Variants in IGSF21 observed in about 807,000 individuals in gnomAD.
The protein encoded by IGSF21 is immunoglobin superfamily member 21.
Under a neutral mutation model 46.8 loss-of-function variants are expected in IGSF21, and 28 were observed. The ratio of observed to expected loss-of-function variants is 0.60; its 90% CI spans 0.44 to 0.82. The LOEUF is 0.82. Among genes scored for constraint, IGSF21 ranks in the 40% least tolerant of loss-of-function variants. The probability of loss-of-function intolerance (pLI) is 0.00; values close to 1 mark genes in which losing one functional copy is unlikely to be tolerated. For synonymous variants in IGSF21, 284 were observed against 273.6 expected (o/e 1.04, Z -0.38); for missense variants, 624 against 665.5 (o/e 0.94, Z 0.69).
chr1:18,160,004 G>T (rs560773513), intron 1 of IGSF21, among the ~76,000 whole-genome samples: 37 of 152,252 alleles, frequency 2.4e-4, no homozygotes, highest in Admixed American at 1.6e-3. Flanking sequence ...TATTAGCAAC[G>T]TGAGAACAGA....
intron 1 of IGSF21, among the ~76,000 whole-genome samples, chr1:18,180,999 C>G (rs762941394): frequency 7.9e-5 from 12 of 152,166 alleles, no homozygotes; most frequent in Non-Finnish European, 1.8e-4. Context: ...TCAGTCTCCC[C>G]CTCTGTAAAG....
At chr1:18,377,026 ACC>A in intron 8 of IGSF21, 34 bp downstream of exon 8, 5 of 1,562,932 alleles carry the variant, frequency 3.2e-6, no homozygotes, top group Non-Finnish European at 4.4e-6. Flanking sequence ...TGGGAGAACA[ACC>A]ACAGGGGCGG....
chr1:18,271,834 A>T (rs1262397511), intron 2 of IGSF21, among the ~76,000 whole-genome samples: 1 of 152,136 alleles, frequency 6.6e-6, no homozygotes, highest in East Asian at 1.9e-4. Context: ...CCCCAAGACC[A>T]TGGGTGAGTA....
At chr1:18,340,786 T>C (rs1436625966) in intron 4 of IGSF21, among the ~76,000 whole-genome samples, 6 of 152,098 alleles carry the variant, frequency 3.9e-5, no homozygotes, top group East Asian at 1.9e-4. Flanking sequence ...CCCTGGCTTA[T>C]AGATGCATCA....
intron 1 of IGSF21, among the ~76,000 whole-genome samples, chr1:18,164,773 T>G (rs1011408043): frequency 2.6e-5 from 4 of 152,024 alleles, no homozygotes; most frequent in Non-Finnish European, 5.9e-5. Flanking sequence ...CTAGGGTACA[T>G]GTGCACAATG....
chr1:18,319,803 C>T (rs1326668919), intron 3 of IGSF21, among the ~76,000 whole-genome samples: 2 of 152,208 alleles, frequency 1.3e-5, no homozygotes, highest in African/African-American at 4.8e-5. Flanking sequence ...GCCCCCTCCA[C>T]TCCCAGCACT....
intron 1 of IGSF21, among the ~76,000 whole-genome samples, chr1:18,143,895 C>G (rs2086441047): frequency 6.6e-6 from 1 of 152,124 alleles, no homozygotes; most frequent in Non-Finnish European, 1.5e-5. Flanking sequence ...GGAGCTGTGA[C>G]TCCCCGATCA....
chr1:18,164,245 G>T (rs542734963), intron 1 of IGSF21, among the ~76,000 whole-genome samples: 2 of 152,222 alleles, frequency 1.3e-5, no homozygotes, highest in East Asian at 3.9e-4. Context: ...GCCTGGGTTT[G>T]ACTGACTCCA....
intron 4 of IGSF21, among the ~76,000 whole-genome samples, chr1:18,336,589 A>G (rs2085768573): frequency 1.3e-5 from 2 of 152,198 alleles, no homozygotes; most frequent in South Asian, 2.1e-4. Context: ...GGCAGTGAAG[A>G]CACTGCGCTA....
intron 1 of IGSF21, among the ~76,000 whole-genome samples, chr1:18,208,504 C>T (rs796220035): frequency 2.0e-5 from 3 of 147,912 alleles, no homozygotes; most frequent in African/African-American, 4.9e-5. Context: ...GCCTCAGCCT[C>T]CCGAGCAGCT....
rs148803242 is a variant in IGSF21 at position 18,235,348 on chromosome 1, C to T, written c.183+7338C>T. 3.1e-3 allele frequency among the ~76,000 whole-genome samples: 470 copies of T among 152,308 alleles called. 3 individuals are homozygous for T. The highest frequency in any genetic ancestry group is 0.011 in the African/African-American group (443 of 41,568). ...TCAAGGAAGAAGACAAGATCCTGTGCTCACACAGTTTACCATGGGGGAGGA... is the reference window on the plus strand; with the variant it reads ...TCAAGGAAGAAGACAAGATCCTGTGTTCACACAGTTTACCATGGGGGAGGA... On this transcript the variant is annotated intron_variant, in intron 2 of 9. Transcript: ENST00000251296.
chr1:18,234,264 G>C (rs1488225850), intron 2 of IGSF21, among the ~76,000 whole-genome samples: 1 of 152,162 alleles, frequency 6.6e-6, no homozygotes, highest in African/African-American at 2.4e-5. Context: ...CCTTGTCTAG[G>C]CCTCCTTCCC....
At chr1:18,273,037 ATC>A (rs1259405735) in intron 2 of IGSF21, among the ~76,000 whole-genome samples, 3 of 90,202 alleles carry the variant, frequency 3.3e-5, no homozygotes, top group Non-Finnish European at 6.8e-5. Context: ...AGCCAGACGG[ATC>A]TTTTTTTTTT....
chr1:18,286,370 G>A (rs1172398228), intron 2 of IGSF21, among the ~76,000 whole-genome samples: 2 of 152,180 alleles, frequency 1.3e-5, no homozygotes, highest in Non-Finnish European at 2.9e-5. Flanking sequence ...CTGGGATACA[G>A]GGCTCTTGGA....
At chr1:18,252,761 G>A (rs2084854853) in intron 2 of IGSF21, among the ~76,000 whole-genome samples, 1 of 152,246 alleles carries the variant, frequency 6.6e-6, no homozygotes, top group African/African-American at 2.4e-5. Context: ...ATATACGGGG[G>A]CCGGGGGTAC....
At chr1:18,338,113 C>A (rs1213719149) in intron 4 of IGSF21, among the ~76,000 whole-genome samples, 1 of 152,096 alleles carries the variant, frequency 6.6e-6, no homozygotes, top group Non-Finnish European at 1.5e-5. Flanking sequence ...TGGGACTTGG[C>A]CGAGGTTGGA....
intron 4 of IGSF21, among the ~76,000 whole-genome samples, chr1:18,352,397 A>T (rs115593437): frequency 0.018 from 2,768 of 152,250 alleles, 92 homozygotes; most frequent in African/African-American, 0.063. Context: ...CAGGGTGGGG[A>T]CTGCCGGACC....
At chr1:18,224,754 A>C (rs1289277279) in intron 1 of IGSF21, among the ~76,000 whole-genome samples, 1 of 152,140 alleles carries the variant, frequency 6.6e-6, no homozygotes, top group Non-Finnish European at 1.5e-5. Flanking sequence ...ATCTCTTAAA[A>C]TTCATGGATG....
At position 18,242,997 on chromosome 1, in the gene IGSF21, GCCCATCTGACT is replaced by G. The variant is rs1361483973; in HGVS notation, c.183+14994_183+15004del. ...GAGCAGGTGCAAAGGCCTGGGGGTG[GCCCATCTGACT>G]CCCATCAGGCGCTCAGTGAAGGGTC... On this transcript the variant is annotated intron_variant, in intron 2 of 9. Coordinates refer to ENST00000251296, the MANE Select transcript of IGSF21 (RefSeq NM_032880.5). 2.0e-5 allele frequency among the ~76,000 whole-genome samples: 3 copies of G among 152,154 alleles called. No homozygotes were observed. In the East Asian group the frequency reaches 5.8e-4, roughly 29 times the overall value.
Sources: allele counts gnomAD v4.1 joint callset (sites outside exome capture counted in the v4.1 genomes callset), GRCh38; gene constraint gnomAD v4.1.1; transcripts MANE v1.5; gene names NCBI Gene and HGNC (gene_info 2026-07-23, HGNC 2026-07-21).